BAZ2B: variants seen among roughly 807,000 people sequenced by gnomAD.
BAZ2B encodes the protein bromodomain adjacent to zinc finger domain 2B.
A neutral mutation model predicts 246.0 loss-of-function variants in BAZ2B; 91 were observed. The observed-to-expected ratio is 0.37, with a 90% CI of 0.31 to 0.44. The LOEUF (loss-of-function observed/expected upper bound fraction) is 0.44, where lower values mean the gene tolerates loss of function less well. Among genes scored for constraint, BAZ2B ranks in the 20% least tolerant of loss-of-function variants. The pLI is 1.00. For missense variants in BAZ2B, 2,332 were observed against 2,533.7 expected, an observed-to-expected ratio of 0.92 and a Z score of 1.71; for synonymous variants, 855 against 860.0, an observed-to-expected ratio of 0.99 and a Z score of 0.10.
At chr2:159,378,155 C>T (rs2061614561) in intron 25 of BAZ2B, among the ~76,000 whole-genome samples, 1 of 152,154 alleles carries the variant, frequency 6.6e-6, no homozygotes, top group Non-Finnish European at 1.5e-5. Context: ...TTAATTCCTG[C>T]TATGGAAACA....
At chr2:159,498,881 G>C (rs992796046) in intron 2 of BAZ2B, among the ~76,000 whole-genome samples, 4 of 151,990 alleles carry the variant, frequency 2.6e-5, no homozygotes, top group African/African-American at 9.7e-5. Flanking sequence ...CATAAATAAC[G>C]TTGACTTTTA....
chr2:159,608,339 C>CAA (rs892573485), intron 1 of BAZ2B, among the ~76,000 whole-genome samples: 3 of 152,200 alleles, frequency 2.0e-5, no homozygotes, highest in African/African-American at 7.2e-5. Flanking sequence ...CGTGCCACTG[C>CAA]ACTCCAGCCT....
At chr2:159,458,019 T>C (rs1399151096) in intron 3 of BAZ2B, among the ~76,000 whole-genome samples, 1 of 152,186 alleles carries the variant, frequency 6.6e-6, no homozygotes, top group Non-Finnish European at 1.5e-5. Flanking sequence ...TTTCATATTA[T>C]TATTTTTTTG....
rs759443352 is a variant in BAZ2B, at chr2:159,412,325, T to C, written c.2677+10A>G. On this transcript the variant is annotated intron_variant, in intron 14 of 36. Coordinates refer to ENST00000392783, the MANE Select transcript of BAZ2B (RefSeq NM_013450.4). Reference sequence around the variant, plus strand: ...ATGATTATTAGTGTCAGACACATTATGTTTCTTACCTTGAGCTTGCAGTTT... The same window carrying C: ...ATGATTATTAGTGTCAGACACATTACGTTTCTTACCTTGAGCTTGCAGTTT... The C allele has an allele frequency of 2.5e-5, 40 of 1,612,930 alleles. No homozygotes were observed. The South Asian group carries it at 3.3e-4, about 13-fold the overall frequency.
At chr2:159,348,303 C>A in intron 30 of BAZ2B, among the ~76,000 whole-genome samples, 1 of 115,518 alleles carries the variant, frequency 8.7e-6, no homozygotes. Context: ...CTAGGTGACA[C>A]AGCAAGACTC....
intron 2 of BAZ2B, among the ~76,000 whole-genome samples, chr2:159,544,679 A>C (rs2087088865): frequency 6.6e-6 from 1 of 152,202 alleles, no homozygotes; most frequent in South Asian, 2.1e-4. Context: ...AAGGGAACTT[A>C]ATGAAGGTCA....
chr2:159,394,222 C>G lies in BAZ2B; in HGVS notation c.3075+1547G>C, dbSNP rs867320215. On this transcript the variant is annotated intron_variant, in intron 20 of 36. Coordinates refer to ENST00000392783, the MANE Select transcript of BAZ2B (RefSeq NM_013450.4). ...GGTCTTTTCCCTGAGCTACTAATTG[C>G]TCCCTCCATTTCCATCTCTCCAGAT... Among the ~76,000 whole-genome samples, 3 of 151,970 alleles carry G rather than the reference C, an allele frequency of 2.0e-5. No homozygotes were observed. In the South Asian group the frequency reaches 6.2e-4, roughly 32 times the overall value.
At chr2:159,471,020 T>TG (rs1220580674) in intron 3 of BAZ2B, among the ~76,000 whole-genome samples, 2 of 151,174 alleles carry the variant, frequency 1.3e-5, no homozygotes, top group East Asian at 1.9e-4. Context: ...TACAGGAATC[T>TG]GGGGGAAAAA....
chr2:159,424,776 T>C (rs1437477892), intron 13 of BAZ2B, among the ~76,000 whole-genome samples: 2 of 152,214 alleles, frequency 1.3e-5, no homozygotes, highest in Non-Finnish European at 2.9e-5. Context: ...TATACTCCTA[T>C]ATACTTTAAA....
At position 159,446,891 on chromosome 2, in the gene BAZ2B, G is replaced by A. The variant is rs748814473; in HGVS notation, c.587C>T (p.Ser196Phe). The change falls in exon 6 of 37, where the codon TCC (serine) becomes TTC (phenylalanine). Residue 196 changes from serine (S) to phenylalanine (F), a missense_variant. Physicochemically the swap from Ser to Phe is radical, Grantham distance 155. This residue lies in a region of BAZ2B where 242 missense variants were observed against 237.4 expected (regional missense o/e 1.02). Transcript: ENST00000392783. Reference protein sequence around the residue: ...TSVLSTTASSSMGQTKSTSSG... With the variant: ...TSVLSTTASSFMGQTKSTSSG... ...GCTTGTACTTTTAGTTTGTCCCATG[G>A]AACTTGAAGCAGTAGTGGATAGTAC... 4 of 1,613,472 alleles carry A rather than the reference G, an allele frequency of 2.5e-6. No individual in the cohort carries two copies. The African/African-American group carries it at 5.3e-5, about 22-fold the overall frequency.
rs1304463305 is a variant in BAZ2B, at chr2:159,325,124, T to C, written c.6210-170A>G. Among the ~76,000 whole-genome samples, 24 of 25,690 alleles carry C rather than the reference T, an allele frequency of 9.3e-4. 7 individuals carry two copies. The East Asian group carries it at 0.014, about 15-fold the overall frequency. The allele number at this position is 25,690 out of a possible 152,430, so 16.9% of individuals were successfully genotyped here. A position where few individuals can be genotyped will look rare whatever the true frequency, so the allele number is the denominator to read the frequency against. On this transcript the variant is annotated intron_variant, in intron 35 of 36. Transcript: ENST00000392783. The stretch of plus-strand genomic sequence containing the variant: ...TATATATATATATATATTTTATATA[T>C]ATATATATATATATATATATATATG...
chr2:159,426,782 T>C (rs964511317), intron 13 of BAZ2B, among the ~76,000 whole-genome samples: 16 of 152,138 alleles, frequency 1.1e-4, no homozygotes, highest in Admixed American at 2.6e-4. Flanking sequence ...AAAAAATTCC[T>C]TTAAGCTTCC....
chr2:159,547,334 A>G (rs551446468), intron 2 of BAZ2B, among the ~76,000 whole-genome samples: 6 of 152,194 alleles, frequency 3.9e-5, no homozygotes, highest in Admixed American at 1.3e-4. Flanking sequence ...CTTTTTTAAC[A>G]TTCATGACTC....
At chr2:159,462,773 T>C (rs1203860532) in intron 3 of BAZ2B, 4 of 1,410,834 alleles carry the variant, frequency 2.8e-6, no homozygotes, top group South Asian at 1.2e-5. Flanking sequence ...CTGACACTCA[T>C]GGCTTTCAAT....
chr2:159,402,686 T>C (rs2065275096), intron 16 of BAZ2B, among the ~76,000 whole-genome samples: 1 of 152,220 alleles, frequency 6.6e-6, no homozygotes, highest in South Asian at 2.1e-4. Context: ...TGTTGTTCTC[T>C]TATGCACAGA....
chr2:159,616,478 A>G lies in BAZ2B; in HGVS notation c.-282T>C, dbSNP rs933003695. 1 of 152,170 alleles carries G rather than the reference A, an allele frequency of 6.6e-6. No homozygotes were observed. Among genetic ancestry groups the G allele is most frequent in the Non-Finnish European group, 1.5e-5 (1 of 68,026 alleles). The allele number at this position is 152,170 out of a possible 1,614,324, so 9.4% of individuals were successfully genotyped here. On this transcript the variant is annotated 5_prime_UTR_variant, in exon 1 of 37. Transcript: ENST00000392783. Reference sequence around the variant, plus strand: ...TTAGTTCCTATCCAGCAGCAGATTGAAGCAGGAGATGATTCTTCTCAAGGT... The same window carrying G: ...TTAGTTCCTATCCAGCAGCAGATTGGAGCAGGAGATGATTCTTCTCAAGGT...
chr2:159,315,716 A>T (rs1377932453), downstream of BAZ2B, among the ~76,000 whole-genome samples: 2 of 152,236 alleles, frequency 1.3e-5, no homozygotes, highest in African/African-American at 4.8e-5. Context: ...CAATGTGGAA[A>T]GGGATTATAC....
chr2:159,670,573 A>C, the BAZ2B span: 1 of 152,340 alleles, frequency 6.6e-6, no homozygotes, highest in African/African-American at 2.4e-5. Flanking sequence ...GTATATTAAC[A>C]ATGTAAATAT....
chr2:159,322,616 A>C (rs1475446370), intron 36 of BAZ2B, among the ~76,000 whole-genome samples: 2 of 152,158 alleles, frequency 1.3e-5, no homozygotes, highest in African/African-American at 4.8e-5. Context: ...GGGAGAGTGG[A>C]GTCCAGGAGA....
Sources: gnomAD v4.1 joint callset for allele counts (sites outside exome capture counted in the v4.1 genomes callset) on GRCh38, gnomAD v4.1.1 for gene constraint, gnomAD v4.1.1 regional missense constraint, MANE v1.5 for transcripts, NCBI Gene and HGNC (gene_info 2026-07-23, HGNC 2026-07-21) for gene names.